Variants in PDE10A observed in about 807,000 individuals in gnomAD.
PDE10A encodes the protein cAMP and cAMP-inhibited cGMP 3',5'-cyclic phosphodiesterase 10A.
A neutral mutation model predicts 97.7 loss-of-function variants in PDE10A; 39 were observed. That is an observed-to-expected ratio of 0.40 (90% CI 0.31 to 0.52). PDE10A has a LOEUF of 0.52. PDE10A is among the 20% of genes least tolerant of loss of function. The probability of loss-of-function intolerance (pLI) is 0.56; values close to 1 mark genes in which losing one functional copy is unlikely to be tolerated. For missense variants in PDE10A, 731 were observed against 1,047.8 expected (o/e 0.70, Z 4.17); for synonymous variants, 371 against 376.8 (o/e 0.98, Z 0.18).
At chr6:165,343,335 T>G in intron 19 of PDE10A, 56 bp downstream of exon 19, 1 of 1,149,914 alleles carries the variant, frequency 8.7e-7, no homozygotes, top group Non-Finnish European at 1.3e-6. Flanking sequence ...TAGCAATTGA[T>G]CCATACGTTT....
chr6:165,643,764 G>A (rs191232970), intron 1 of PDE10A, among the ~76,000 whole-genome samples: 1 of 152,284 alleles, frequency 6.6e-6, no homozygotes, highest in Non-Finnish European at 1.5e-5. Flanking sequence ...ATAAGCTTTA[G>A]CTATCCATTG....
At chr6:165,807,422 C>G (rs1390620673) in intron 1 of PDE10A, among the ~76,000 whole-genome samples, 2 of 152,062 alleles carry the variant, frequency 1.3e-5, no homozygotes, top group African/African-American at 4.8e-5. Flanking sequence ...CTGAGTTCAG[C>G]CTTTCTGCCC....
chr6:165,702,749 G>A (rs971557986), intron 1 of PDE10A, among the ~76,000 whole-genome samples: 1 of 152,190 alleles, frequency 6.6e-6, no homozygotes, highest in Non-Finnish European at 1.5e-5. Context: ...CAGGTGACCA[G>A]AGTCTTCACC....
chr6:165,349,701 G>T (rs1047894553), intron 18 of PDE10A, among the ~76,000 whole-genome samples: 6 of 152,200 alleles, frequency 3.9e-5, no homozygotes, highest in African/African-American at 1.4e-4. Context: ...AGGCCCAAGG[G>T]GCAGAAATGG....
At position 165,344,022 on chromosome 6, in the gene PDE10A, G is replaced by A. The variant is rs548661565; in HGVS notation, c.2784-520C>T. On this transcript the variant is annotated intron_variant, in intron 18 of 21. Coordinates refer to ENST00000539869, the MANE Select transcript of PDE10A (RefSeq NM_001385079.1). ...TGCAACCTGGTTCCTCACTCTCCCC[G>A]TGCAAGTGTGTGAGCTGGATGCAGC... 2.1e-4 allele frequency among the ~76,000 whole-genome samples: 32 copies of A among 152,276 alleles called. No individual in the cohort carries two copies. In the South Asian group the frequency reaches 5.4e-3, roughly 26 times the overall value.
intron 1 of PDE10A, chr6:165,781,282 T>A (rs889646465): frequency 6.6e-6 from 1 of 151,230 alleles, no homozygotes; most frequent in Non-Finnish European, 1.5e-5. Context: ...TAAACCCACC[T>A]ATTATTTTTT....
At chr6:165,849,450 C>A (rs1202046749) in intron 1 of PDE10A, among the ~76,000 whole-genome samples, 1 of 152,064 alleles carries the variant, frequency 6.6e-6, no homozygotes, top group Admixed American at 6.5e-5. Flanking sequence ...AGTGAGGGGG[C>A]AGGTGGGGCA....
intron 1 of PDE10A, among the ~76,000 whole-genome samples, chr6:165,594,794 C>A (rs1034563051): frequency 1.3e-5 from 2 of 152,104 alleles, no homozygotes; most frequent in African/African-American, 4.8e-5. Flanking sequence ...ACCTAGTGAG[C>A]AAATTTAGCA....
chr6:165,478,670 T>C (rs1186226118), intron 3 of PDE10A, among the ~76,000 whole-genome samples: 1 of 152,174 alleles, frequency 6.6e-6, no homozygotes, highest in East Asian at 1.9e-4. Flanking sequence ...AAAATCTACA[T>C]TCTGTAGAGA....
chr6:165,807,956 A>C (rs1779182909), intron 1 of PDE10A, among the ~76,000 whole-genome samples: 1 of 152,212 alleles, frequency 6.6e-6, no homozygotes, highest in African/African-American at 2.4e-5. Context: ...TGCAAGATAG[A>C]GAGGAAGAAG....
intron 1 of PDE10A, among the ~76,000 whole-genome samples, chr6:165,916,461 C>A (rs912174226): frequency 6.6e-6 from 1 of 152,188 alleles, no homozygotes; most frequent in Non-Finnish European, 1.5e-5. Flanking sequence ...GTGAGTTTGT[C>A]ATATCGTAAA....
rs73786631 is a variant in PDE10A at position 165,546,553 on chromosome 6, G to T, written c.866-2985C>A. The stretch of plus-strand genomic sequence containing the variant: ...TGAAGCGGGTGGCAGAGGATAAGGT[G>T]CTAACCTATAGAACTTTGAAAATAA... On this transcript the variant is annotated intron_variant, in intron 1 of 21. Transcript: ENST00000539869. 2.5e-3 allele frequency among the ~76,000 whole-genome samples: 386 copies of T among 152,182 alleles called. 4 individuals are homozygous for T. The highest frequency in any genetic ancestry group is 8.6e-3 in the African/African-American group (357 of 41,558).
At chr6:165,867,223 C>A (rs1781080438) in intron 1 of PDE10A, among the ~76,000 whole-genome samples, 2 of 116,810 alleles carry the variant, frequency 1.7e-5, no homozygotes, top group African/African-American at 6.3e-5. Flanking sequence ...AAAATATAGA[C>A]TGAATGGAAA....
rs1313430376 is a variant in PDE10A at position 165,858,370 on chromosome 6, G to C, written c.-615+129159C>G. On this transcript the variant is annotated intron_variant, in intron 1 of 19. Transcript: ENST00000366882. ...CCTCAGGGGAGGCACTGGGAACTGA[G>C]ACCTTCTGCTCTGCAGTAACCAAGT... Among the ~76,000 whole-genome samples the C allele has an allele frequency of 3.3e-5, 5 of 152,338 alleles. No homozygotes were observed. The East Asian group carries it at 9.6e-4, about 29-fold the overall frequency.
At chr6:165,825,706 C>A (rs933950684) in intron 1 of PDE10A, among the ~76,000 whole-genome samples, 3 of 152,214 alleles carry the variant, frequency 2.0e-5, no homozygotes, top group African/African-American at 7.2e-5. Flanking sequence ...CCAGCCATGG[C>A]TCCTGTGCCT....
chr6:165,705,686 G>A (rs1233352747), intron 1 of PDE10A, among the ~76,000 whole-genome samples: 1 of 152,016 alleles, frequency 6.6e-6, no homozygotes, highest in Non-Finnish European at 1.5e-5. Context: ...TGATTTTTAT[G>A]GCTATGATAA....
intron 1 of PDE10A, among the ~76,000 whole-genome samples, chr6:165,760,205 C>T (rs561616917): frequency 6.6e-5 from 10 of 152,126 alleles, no homozygotes; most frequent in Admixed American, 2.0e-4. Flanking sequence ...TACACTACCA[C>T]GAAGGTTTTT....
At chr6:165,473,327 T>C (rs189660868) in intron 3 of PDE10A, among the ~76,000 whole-genome samples, 1 of 152,194 alleles carries the variant, frequency 6.6e-6, no homozygotes, top group Admixed American at 6.5e-5. Context: ...CTCAGAGACA[T>C]AGTCCTGATC....
chr6:165,369,107 G>C (rs1036906197), intron 18 of PDE10A, among the ~76,000 whole-genome samples: 3 of 151,878 alleles, frequency 2.0e-5, no homozygotes, highest in Non-Finnish European at 4.4e-5. Context: ...ACCAAAAGTA[G>C]ATAAAACCAC....
Sources: allele counts gnomAD v4.1 joint callset (sites outside exome capture counted in the v4.1 genomes callset), GRCh38; gene constraint gnomAD v4.1.1; transcripts MANE v1.5; gene names NCBI Gene and HGNC (gene_info 2026-07-23, HGNC 2026-07-21).